The following SLCO4C1 variants were observed in gnomAD, a reference collection of about 807,000 sequenced individuals.
SLCO4C1 encodes the protein organic anion transporter M1.
Under a neutral mutation model 72.1 loss-of-function variants are expected in SLCO4C1, and 58 were observed. The ratio of observed to expected loss-of-function variants is 0.80; its 90% CI spans 0.65 to 1.00. SLCO4C1 has a LOEUF of 1.00. Ranked by LOEUF, SLCO4C1 falls within the 50% of genes least tolerant of loss-of-function variation. The probability of loss-of-function intolerance (pLI) is 0.00; values close to 1 mark genes in which losing one functional copy is unlikely to be tolerated. For missense variants in SLCO4C1, 898 were observed against 857.9 expected (o/e 1.05, Z -0.58); for synonymous variants, 297 against 312.5 (o/e 0.95, Z 0.52).
intron 12 of SLCO4C1, 46 bp from the exon 13 acceptor site, chr5:102,237,064 G>A: frequency 6.7e-7 from 1 of 1,496,932 alleles, no homozygotes; most frequent in Non-Finnish European, 8.9e-7. Context: ...TTTTAATTAT[G>A]ATAAAAATTA....
intron 2 of SLCO4C1, among the ~76,000 whole-genome samples, chr5:102,281,172 T>G (rs1210993173): frequency 2.0e-5 from 3 of 152,140 alleles, no homozygotes; most frequent in African/African-American, 7.2e-5. Context: ...CCAACTGATT[T>G]TTGAAAAGCT....
rs545250212 is a variant in SLCO4C1 at position 102,251,195 on chromosome 5, G to A, written c.1470-1407C>T. 1.1e-4 allele frequency among the ~76,000 whole-genome samples: 17 copies of A among 152,250 alleles called. No individual in the cohort carries two copies. The South Asian group carries it at 2.7e-3, about 24-fold the overall frequency. ...GGACCAGTTTAATTGAGAGCCACAT[G>A]GGCCTGACAAAAGGTAATCGTTAAG... On this transcript the variant is annotated intron_variant, in intron 8 of 12. Transcript: ENST00000310954.
At chr5:102,261,476 T>G (rs1305463134) in intron 5 of SLCO4C1, among the ~76,000 whole-genome samples, 2 of 148,134 alleles carry the variant, frequency 1.4e-5, no homozygotes, top group African/African-American at 5.0e-5. Context: ...AAAAAAAAAG[T>G]ACGCTACGGA....
At position 102,260,321 on chromosome 5, in the gene SLCO4C1, TAAAA is replaced by T. The variant is rs746119680; in HGVS notation, c.1022-6_1022-3del. The T allele has an allele frequency of 1.5e-3, 625 of 406,280 alleles. 4 individuals carry two copies. In the African/African-American group the frequency reaches 0.027, roughly 18 times the overall value. The allele number at this position is 406,280 out of a possible 1,614,324, so 25.2% of individuals were successfully genotyped here. ...TTCCAGCTTGAATTTCTGCTGTACC[TAAAA>T]AAAAAATATATATATATATATAATA... On this transcript the variant is annotated splice_polypyrimidine_tract_variant and splice_region_variant and intron_variant, in intron 5 of 12. Coordinates refer to ENST00000310954, the MANE Select transcript of SLCO4C1 (RefSeq NM_180991.5).
At chr5:102,258,841 A>G (rs1748887351) in intron 6 of SLCO4C1, among the ~76,000 whole-genome samples, 1 of 152,020 alleles carries the variant, frequency 6.6e-6, no homozygotes, top group Non-Finnish European at 1.5e-5. Context: ...CAAAAGGAGG[A>G]AAAAGTACCT....
At chr5:102,287,930 T>C (rs940822400) in intron 2 of SLCO4C1, among the ~76,000 whole-genome samples, 1 of 152,122 alleles carries the variant, frequency 6.6e-6, no homozygotes, top group Non-Finnish European at 1.5e-5. Context: ...ATTTCAATCC[T>C]GAATTTTGTG....
intron 8 of SLCO4C1, 90 bp from the exon 9 acceptor site, chr5:102,249,878 A>G: frequency 7.9e-7 from 1 of 1,268,182 alleles, no homozygotes; most frequent in Non-Finnish European, 1.1e-6. Context: ...CCATTAGGTC[A>G]TTTATTCACT....
intron 9 of SLCO4C1, among the ~76,000 whole-genome samples, chr5:102,247,769 C>A (rs1300575160): frequency 2.0e-5 from 3 of 152,064 alleles, no homozygotes; most frequent in Non-Finnish European, 4.4e-5. Flanking sequence ...GTAATTATTT[C>A]TTAAAGTCAT....
chr5:102,245,935 A>G (rs1748627533), intron 10 of SLCO4C1, among the ~76,000 whole-genome samples: 1 of 152,140 alleles, frequency 6.6e-6, no homozygotes. Context: ...ATACTCCTGA[A>G]TGACTAGTGG....
chr5:102,295,912 C>A lies in SLCO4C1; in HGVS notation c.351G>T (p.Thr117=), dbSNP rs142958852. ...CAAGCGGGCGCTGGACTTTACCTTG[C>A]GTGACGGCCAAGAGGCAGTAGTGAA... ...FLLHYCLLAV[T]QGIVVNGLVN... Residue 117 remains threonine (T), a synonymous_variant, in exon 1 of 13, where the codon ACG becomes ACT. Transcript: ENST00000310954. 4.8e-5 allele frequency: 78 copies of A among 1,611,500 alleles called. No individual in the cohort carries two copies. In the African/African-American group the frequency reaches 7.9e-4, roughly 16 times the overall value.
At chr5:102,249,601 T>C (rs779549288) in intron 9 of SLCO4C1, 37 bp downstream of exon 9, 37 of 1,609,766 alleles carry the variant, frequency 2.3e-5, no homozygotes, top group Non-Finnish European at 2.7e-5. Flanking sequence ...CACAAACATA[T>C]TGCCTCATTA....
Position 102,239,327 on chromosome 5 carries a change from A to T in SLCO4C1, c.1938T>A (p.Asp646Glu). The T allele has an allele frequency of 1.2e-6, 2 of 1,606,006 alleles. No homozygotes were observed. Among genetic ancestry groups the T allele is most frequent in the Non-Finnish European group, 1.7e-6 (2 of 1,176,164 alleles). Residue 646 changes from aspartate (D) to glutamate (E), a missense_variant, in exon 12 of 13, where the codon GAT becomes GAA. Asp to Glu is a conservative substitution (Grantham distance 45). Transcript: ENST00000310954. ...FTIDSTCILW[D>E]INDCGIKGAC... ...CTCCTTTAATTCCACAATCATTTAT[A>T]TCCCAAAGAATACATGTGCTGTCTA... is the stretch of plus-strand genomic sequence containing the variant.
Position 102,238,598 on chromosome 5 carries a change from T to C in SLCO4C1, c.2014+653A>G, listed in dbSNP as rs536264472. Among the ~76,000 whole-genome samples the C allele has an allele frequency of 2.6e-5, 4 of 152,276 alleles. No individual in the cohort carries two copies. The East Asian group carries it at 5.8e-4, about 22-fold the overall frequency. ...AATCACACATTATATTAGATACATA[T>C]GTATACATACATTCAGGATTTCTCT... is the stretch of plus-strand genomic sequence containing the variant. On this transcript the variant is annotated intron_variant, in intron 12 of 12. Transcript: ENST00000310954.
intron 2 of SLCO4C1, among the ~76,000 whole-genome samples, chr5:102,286,404 C>T (rs1445768503): frequency 6.6e-6 from 1 of 152,004 alleles, no homozygotes; most frequent in Non-Finnish European, 1.5e-5. Context: ...TAAAATAACA[C>T]TCATCTAAAA....
In SLCO4C1 at chr5:102,234,005, T is replaced by A. The variant is rs1748390572; in HGVS notation, c.*2853A>T. ...CGACAATTTTGTATAAACATTCTGA[T>A]TTAATAAATGGTATGAATATATATT... On this transcript the variant is annotated 3_prime_UTR_variant, in exon 13 of 13. Coordinates refer to ENST00000310954, the MANE Select transcript of SLCO4C1 (RefSeq NM_180991.5). The A allele has an allele frequency of 6.6e-6, 1 of 152,148 alleles. No homozygotes were observed. The highest frequency in any genetic ancestry group is 1.5e-5 in the Non-Finnish European group (1 of 67,980). The allele number at this position is 152,148 out of a possible 1,614,324, so 9.4% of individuals were successfully genotyped here. A position where few individuals can be genotyped will look rare whatever the true frequency, so the allele number is the denominator to read the frequency against.
At chr5:102,269,773 T>C (rs1749114514) in intron 3 of SLCO4C1, among the ~76,000 whole-genome samples, 1 of 152,172 alleles carries the variant, frequency 6.6e-6, no homozygotes, top group Non-Finnish European at 1.5e-5. Context: ...ATGTTTTTGC[T>C]TTTGCTTGTT....
At chr5:102,290,337 C>T (rs147916356) in intron 2 of SLCO4C1, among the ~76,000 whole-genome samples, 11 of 152,318 alleles carry the variant, frequency 7.2e-5, no homozygotes, top group African/African-American at 1.4e-4. Flanking sequence ...TGAGCCCCCA[C>T]GCCTAGCTCA....
intron 9 of SLCO4C1, 49 bp downstream of exon 9, chr5:102,249,589 T>C: frequency 6.2e-7 from 1 of 1,601,126 alleles, no homozygotes; most frequent in Non-Finnish European, 8.5e-7. Flanking sequence ...GTCAAGATAA[T>C]CCACAAACAT....
chr5:102,256,696 T>G (rs1193123281), intron 8 of SLCO4C1, among the ~76,000 whole-genome samples: 1 of 152,228 alleles, frequency 6.6e-6, no homozygotes, highest in Non-Finnish European at 1.5e-5. Flanking sequence ...ACTAGCTTTA[T>G]TCTAATTTCT....
Sources: gnomAD v4.1 joint callset for allele counts (sites outside exome capture counted in the v4.1 genomes callset) on GRCh38, gnomAD v4.1.1 for gene constraint, MANE v1.5 for transcripts, NCBI Gene and HGNC (gene_info 2026-07-23, HGNC 2026-07-21) for gene names.